Variants in ZMYM1 observed in about 807,000 individuals in gnomAD.
ZMYM1 encodes zinc finger MYM-type protein 1.
A neutral mutation model predicts 60.0 loss-of-function variants in ZMYM1; 39 were observed. The observed-to-expected ratio is 0.65, with a 90% confidence interval of 0.50 to 0.85. The LOEUF (loss-of-function observed/expected upper bound fraction) is 0.85. Ranked by LOEUF, ZMYM1 falls within the 40% of genes least tolerant of loss-of-function variation. ZMYM1 has a pLI of 0.00. For synonymous variants in ZMYM1, 413 were observed against 454.0 expected (o/e 0.91, Z 1.15); for missense variants, 1,171 against 1,309.5 (o/e 0.89, Z 1.63).
intron 1 of ZMYM1, among the ~76,000 whole-genome samples, chr1:35,091,275 C>T (rs775391860): frequency 3.3e-5 from 5 of 151,940 alleles, no homozygotes; most frequent in Admixed American, 6.6e-5. Flanking sequence ...TGCAGTGGCG[C>T]GATCTCGGCT....
intron 1 of ZMYM1, among the ~76,000 whole-genome samples, chr1:35,071,880 G>A (rs568377891): frequency 1.3e-5 from 2 of 152,204 alleles, no homozygotes; most frequent in East Asian, 1.9e-4. Flanking sequence ...GGCTCATGCC[G>A]GTAATCCCAG....
chr1:35,110,876 G>T (rs1257779463), intron 7 of ZMYM1, among the ~76,000 whole-genome samples: 1 of 152,182 alleles, frequency 6.6e-6, no homozygotes, highest in Non-Finnish European at 1.5e-5. Flanking sequence ...GGAGGTTGCA[G>T]TGAGCCGAGA....
chr1:35,091,025 G>C lies in ZMYM1; in HGVS notation c.-74-2889G>C, dbSNP rs372455696. Among the ~76,000 whole-genome samples the C allele has an allele frequency of 3.3e-5, 5 of 152,068 alleles. No homozygotes were observed. The East Asian group carries it at 5.8e-4, about 18-fold the overall frequency. On this transcript the variant is annotated intron_variant, in intron 1 of 9. Coordinates refer to ENST00000359858, the MANE Select transcript of ZMYM1 (RefSeq NM_024772.5). ...TTTAGGGAGAAGAAGAATAATTCCAGGTTAATCCTAGATTTCTGGCATGGG... is the reference window on the plus strand; with the variant it reads ...TTTAGGGAGAAGAAGAATAATTCCACGTTAATCCTAGATTTCTGGCATGGG...
chr1:35,092,453 C>T lies in ZMYM1; in HGVS notation c.-74-1461C>T, dbSNP rs1288159353. Among the ~76,000 whole-genome samples the T allele has an allele frequency of 2.0e-5, 3 of 150,460 alleles. No individual in the cohort carries two copies. The East Asian group carries it at 5.9e-4, about 29-fold the overall frequency. The stretch of plus-strand genomic sequence containing the variant: ...ACGGGGTTTCGCCTTGTTTGCCAGG[C>T]TAGTCTCAAACTCCTGACCTCAGGT... On this transcript the variant is annotated intron_variant, in intron 1 of 9. Coordinates refer to ENST00000359858, the MANE Select transcript of ZMYM1 (RefSeq NM_024772.5).
chr1:35,071,334 T>C (rs1416250146), intron 1 of ZMYM1, among the ~76,000 whole-genome samples: 2 of 152,200 alleles, frequency 1.3e-5, no homozygotes, highest in South Asian at 2.1e-4. Flanking sequence ...TTTATTTATT[T>C]ATTTATTTTT....
At chr1:35,092,903 G>A (rs1249407366) in intron 1 of ZMYM1, among the ~76,000 whole-genome samples, 2 of 152,190 alleles carry the variant, frequency 1.3e-5, no homozygotes, top group Non-Finnish European at 2.9e-5. Context: ...GGGATTACAG[G>A]CGTGAGCCAC....
At chr1:35,078,174 G>A (rs539471484), upstream of ZMYM1, among the ~76,000 whole-genome samples, 1 of 152,126 alleles carries the variant, frequency 6.6e-6, no homozygotes, top group African/African-American at 2.4e-5. Flanking sequence ...AAATGTTGGA[G>A]AAATTAACTT....
intron 1 of ZMYM1, among the ~76,000 whole-genome samples, chr1:35,088,434 GTATA>G (rs58346528): frequency 0.013 from 902 of 68,054 alleles, 23 homozygotes; most frequent in African/African-American, 0.033. Flanking sequence ...GTGTTTATGT[GTATA>G]TATATATATA....
chr1:35,083,416 T>G (rs574532164), intron 1 of ZMYM1, among the ~76,000 whole-genome samples: 1 of 152,054 alleles, frequency 6.6e-6, no homozygotes, highest in East Asian at 2.0e-4. Context: ...CCTCCCGACA[T>G]GTTCAAATTG....
chr1:35,115,909 A>T (rs370453847), downstream of ZMYM1: 5 of 152,336 alleles, frequency 3.3e-5, no homozygotes, highest in East Asian at 7.7e-4. Context: ...TTTTAATCTC[A>T]GTAGAATTTT....
Position 35,061,233 on chromosome 1 carries a change from G to T in ZMYM1, c.-301+1308G>T, listed in dbSNP as rs1020276182. The stretch of plus-strand genomic sequence containing the variant: ...GAGTTCCTCCTGTACCAGGCACCAC[G>T]CTGGGTGCTTCACACAGATTAATCT... On this transcript the variant is annotated intron_variant, in intron 1 of 10. Transcript: ENST00000417119. 2.6e-5 allele frequency among the ~76,000 whole-genome samples: 4 copies of T among 152,200 alleles called. No individual in the cohort carries two copies. The South Asian group carries it at 8.3e-4, about 31-fold the overall frequency.
At chr1:35,104,204 C>A in intron 4 of ZMYM1, 91 bp from the exon 5 acceptor site, 1 of 1,170,498 alleles carries the variant, frequency 8.5e-7, no homozygotes, top group Non-Finnish European at 1.2e-6. Context: ...GGCTAATGTT[C>A]TTACTCTAAT....
chr1:35,082,663 A>T (rs1031521313), intron 1 of ZMYM1, among the ~76,000 whole-genome samples: 3 of 151,442 alleles, frequency 2.0e-5, no homozygotes, highest in Non-Finnish European at 2.9e-5. Context: ...ATTCCCATCT[A>T]CTATTTTACT....
At chr1:35,097,846 G>T (rs552335540) in intron 4 of ZMYM1, among the ~76,000 whole-genome samples, 1 of 151,848 alleles carries the variant, frequency 6.6e-6, no homozygotes, top group Non-Finnish European at 1.5e-5. Context: ...GGTTTCGTTC[G>T]CCATGTTGGC....
chr1:35,075,297 T>C (rs1169222369), upstream of ZMYM1, among the ~76,000 whole-genome samples: 2 of 152,140 alleles, frequency 1.3e-5, no homozygotes, highest in African/African-American at 4.8e-5. Context: ...GTGAGTCTCT[T>C]GTAGGCAGCA....
intron 1 of ZMYM1, among the ~76,000 whole-genome samples, chr1:35,064,832 C>T (rs1641942347): frequency 6.6e-6 from 1 of 151,528 alleles, no homozygotes; most frequent in African/African-American, 2.4e-5. Context: ...GGACTACAGG[C>T]GCCCGCCACC....
At chr1:35,105,369 C>T (rs1194070260) in intron 6 of ZMYM1, among the ~76,000 whole-genome samples, 1 of 151,886 alleles carries the variant, frequency 6.6e-6, no homozygotes, top group African/African-American at 2.4e-5. Flanking sequence ...AATCTCCTGA[C>T]CTCGTGATCC....
intron 1 of ZMYM1, among the ~76,000 whole-genome samples, chr1:35,065,281 G>A (rs1306549467): frequency 3.4e-5 from 5 of 145,420 alleles, no homozygotes; most frequent in African/African-American, 8.4e-5. Context: ...GTTCATTCCC[G>A]GCTTTCGGCA....
At position 35,113,223 on chromosome 1, in the gene ZMYM1, G is replaced by C. The variant is rs1228515920; in HGVS notation, c.1393G>C (p.Glu465Gln). 1.2e-6 allele frequency: 2 copies of C among 1,613,410 alleles called. No individual in the cohort carries two copies. The highest frequency in any genetic ancestry group is 3.3e-5 in the Admixed American group (2 of 60,000). The change falls in exon 10 of 10, where the codon GAG (glutamate) becomes CAG (glutamine). Residue 465 changes from glutamate (E) to glutamine (Q), a missense_variant. Glu to Gln is a conservative substitution (Grantham distance 29). Transcript: ENST00000359858. ...SIKKSCCADF[E>Q]CLENSKKDVA... Reference sequence around the variant, plus strand: ...TAAAAAATCTTGTTGTGCAGATTTTGAGTGTTTGGAAAACAGTAAAAAAGA... The same window carrying C: ...TAAAAAATCTTGTTGTGCAGATTTTCAGTGTTTGGAAAACAGTAAAAAAGA...
Sources: allele counts gnomAD v4.1 joint callset (sites outside exome capture counted in the v4.1 genomes callset), GRCh38; gene constraint gnomAD v4.1.1; transcripts MANE v1.5; gene names NCBI Gene and HGNC (gene_info 2026-07-23, HGNC 2026-07-21).